The following DNAAF4 variants were observed in gnomAD, a reference collection of about 807,000 sequenced individuals.
DNAAF4 encodes the protein dynein axonemal assembly factor 4, also known as dynein assembly factor 4, axonemal.
A neutral mutation model predicts 51.8 loss-of-function variants in DNAAF4; 43 were observed. That is an observed-to-expected ratio of 0.83 (90% CI 0.65 to 1.07). The LOEUF (loss-of-function observed/expected upper bound fraction) is 1.07, where lower values mean the gene tolerates loss of function less well. Among genes scored for constraint, DNAAF4 ranks in the 50% least tolerant of loss-of-function variants. DNAAF4 has a pLI of 0.00. For missense variants in DNAAF4, 581 were observed against 493.0 expected, an observed-to-expected ratio of 1.18 and a Z score of -1.69; for synonymous variants, 194 against 165.6, an observed-to-expected ratio of 1.17 and a Z score of -1.32.
chr15:55,460,416 G>A (rs2058079124), intron 5 of DNAAF4, among the ~76,000 whole-genome samples: 1 of 151,990 alleles, frequency 6.6e-6, no homozygotes, highest in Admixed American at 6.6e-5. Context: ...CTGACCACCC[G>A]TGATCCACCC....
At chr15:55,446,989 G>GAA (rs2057838855) in intron 6 of DNAAF4, among the ~76,000 whole-genome samples, 1 of 144,284 alleles carries the variant, frequency 6.9e-6, no homozygotes. Context: ...CTTCCCAGAC[G>GAA]GGGCAGCTGG....
intron 1 of DNAAF4, among the ~76,000 whole-genome samples, chr15:55,507,071 G>A (rs1297787466): frequency 1.3e-5 from 2 of 151,940 alleles, no homozygotes; most frequent in Non-Finnish European, 1.5e-5. Context: ...GGCTGGTCTC[G>A]AACTTCTGAC....
At chr15:55,445,268 G>C (rs186544234) in intron 6 of DNAAF4, among the ~76,000 whole-genome samples, 3 of 151,800 alleles carry the variant, frequency 2.0e-5, no homozygotes, top group South Asian at 2.1e-4. Flanking sequence ...GCCTTCAAGC[G>C]TCTGTTTAAC....
At chr15:55,449,588 T>C (rs934071120) in intron 6 of DNAAF4, among the ~76,000 whole-genome samples, 8 of 148,650 alleles carry the variant, frequency 5.4e-5, no homozygotes, top group Non-Finnish European at 1.0e-4. Context: ...TGTTTGAACC[T>C]GGGAGGAGGA....
intron 9 of DNAAF4, among the ~76,000 whole-genome samples, chr15:55,432,025 G>A (rs1018103959): frequency 4.6e-5 from 7 of 151,422 alleles, no homozygotes; most frequent in Non-Finnish European, 7.4e-5. Context: ...ACATGATCTC[G>A]GCTCACCACA....
At chr15:55,428,701 T>G (rs2057456861), downstream of DNAAF4, among the ~76,000 whole-genome samples, 1 of 150,264 alleles carries the variant, frequency 6.7e-6, no homozygotes, top group Non-Finnish European at 1.5e-5. Context: ...TTCACCATGT[T>G]AGCCAGGATA....
intron 6 of DNAAF4, 85 bp from the exon 7 acceptor site, chr15:55,439,666 T>C (rs949500437): frequency 4.9e-5 from 58 of 1,185,708 alleles, no homozygotes; most frequent in Non-Finnish European, 6.6e-5. Flanking sequence ...CTTCCTCCAG[T>C]GGATTGAAAT....
intron 4 of DNAAF4, among the ~76,000 whole-genome samples, chr15:55,486,929 A>C (rs2058497949): frequency 3.3e-5 from 5 of 152,036 alleles, no homozygotes; most frequent in Admixed American, 3.3e-4. Flanking sequence ...TATGCTCAAA[A>C]TTTCTCCATC....
intron 5 of DNAAF4, 42 bp downstream of exon 5, chr15:55,466,888 A>G: frequency 6.4e-7 from 1 of 1,573,726 alleles, no homozygotes; most frequent in Non-Finnish European, 8.5e-7. Flanking sequence ...TATATACTTC[A>G]CCAACAGGAC....
At chr15:55,445,892 C>A (rs2057795240) in intron 6 of DNAAF4, among the ~76,000 whole-genome samples, 1 of 136,578 alleles carries the variant, frequency 7.3e-6, no homozygotes, top group Admixed American at 7.5e-5. Flanking sequence ...ATGCGGCAGC[C>A]AGGCAGAGGT....
rs559590849 is a variant in DNAAF4, at chr15:55,503,911, G to A, written c.-256+4211C>T. Among the ~76,000 whole-genome samples, 3 of 152,280 alleles carry A rather than the reference G, an allele frequency of 2.0e-5. No individual in the cohort carries two copies. The East Asian group carries it at 5.8e-4, about 29-fold the overall frequency. On this transcript the variant is annotated intron_variant, in intron 1 of 9. Coordinates refer to ENST00000321149, the MANE Select transcript of DNAAF4 (RefSeq NM_130810.4). ...ACCACTCCAATTCAATATAGTAATG[G>A]AAGTTCTGGCCAGGGCAATCAGGCA...
intron 8 of DNAAF4, 151 bp from the exon 9 acceptor site, chr15:55,432,753 C>T (rs1022273021): frequency 1.7e-6 from 1 of 575,378 alleles, no homozygotes; most frequent in South Asian, 2.8e-5. Context: ...TGAGACCAGC[C>T]TGGCCAACAT....
intron 4 of DNAAF4, among the ~76,000 whole-genome samples, chr15:55,470,140 C>T (rs1214859014): frequency 6.6e-6 from 1 of 152,044 alleles, no homozygotes; most frequent in Non-Finnish European, 1.5e-5. Flanking sequence ...CAACCTCCGC[C>T]TCCCAGGTTC....
intron 6 of DNAAF4, among the ~76,000 whole-genome samples, chr15:55,449,816 A>T (rs1476053051): frequency 7.5e-6 from 1 of 133,582 alleles, no homozygotes; most frequent in Non-Finnish European, 1.5e-5. Flanking sequence ...CTCCTGCCCC[A>T]GCCCCGCTAG....
chr15:55,451,525 T>C (rs192077014), intron 5 of DNAAF4, among the ~76,000 whole-genome samples: 32 of 152,152 alleles, frequency 2.1e-4, no homozygotes, highest in African/African-American at 7.5e-4. Flanking sequence ...GAAATAACAT[T>C]AAGAAACCAG....
chr15:55,458,654 A>G (rs926377733), intron 5 of DNAAF4, among the ~76,000 whole-genome samples: 2 of 152,224 alleles, frequency 1.3e-5, no homozygotes, highest in Admixed American at 1.3e-4. Flanking sequence ...TGGTCTTGCT[A>G]GAGATCTAGA....
intron 4 of DNAAF4, among the ~76,000 whole-genome samples, chr15:55,474,632 A>C (rs868430709): frequency 6.6e-5 from 10 of 152,232 alleles, no homozygotes; most frequent in African/African-American, 2.2e-4. Context: ...GGAAACGTTA[A>C]TTTCATCAGC....
intron 7 of DNAAF4, among the ~76,000 whole-genome samples, chr15:55,438,781 T>C (rs2057660007): frequency 1.4e-5 from 2 of 143,096 alleles, no homozygotes; most frequent in South Asian, 4.4e-4. Context: ...TGAGACACTA[T>C]CTCACAAAAA....
chr15:55,458,482 CAA>C (rs1489132625), intron 5 of DNAAF4, among the ~76,000 whole-genome samples: 1 of 151,922 alleles, frequency 6.6e-6, no homozygotes, highest in Admixed American at 6.6e-5. Flanking sequence ...CCCAATCCAA[CAA>C]AGACAAAGAA....
Sources: allele counts gnomAD v4.1 joint callset (sites outside exome capture counted in the v4.1 genomes callset), GRCh38; gene constraint gnomAD v4.1.1; transcripts MANE v1.5; gene names NCBI Gene and HGNC (gene_info 2026-07-23, HGNC 2026-07-21).